The following CYRIB variants were observed in gnomAD, a reference collection of about 807,000 sequenced individuals.
CYRIB encodes the protein CYFIP-related Rac1 interactor B.
In CYRIB, 8 loss-of-function variants were observed where a neutral mutation model predicts 44.2. The ratio of observed to expected loss-of-function variants is 0.18; its 90% CI spans 0.11 to 0.33. The LOEUF is 0.33. Among genes scored for constraint, CYRIB ranks in the 10% least tolerant of loss-of-function variants. CYRIB has a pLI of 1.00. For synonymous variants in CYRIB, 131 were observed against 127.2 expected (o/e 1.03, Z -0.20); for missense variants, 185 against 382.8 (o/e 0.48, Z 4.31).
At chr8:129,894,207 C>T (rs1281734245) in intron 2 of CYRIB, among the ~76,000 whole-genome samples, 1 of 152,160 alleles carries the variant, frequency 6.6e-6, no homozygotes, top group African/African-American at 2.4e-5. Flanking sequence ...AATGAAAAGG[C>T]AACTGTAACT....
At chr8:129,927,796 C>G (rs1481464766) in intron 1 of CYRIB, among the ~76,000 whole-genome samples, 1 of 152,164 alleles carries the variant, frequency 6.6e-6, no homozygotes, top group East Asian at 1.9e-4. Context: ...GTGGTACTAG[C>G]AGAATGATAG....
At chr8:129,887,877 C>T in intron 2 of CYRIB, among the ~76,000 whole-genome samples, 1 of 152,168 alleles carries the variant, frequency 6.6e-6, no homozygotes, top group Non-Finnish European at 1.5e-5. Context: ...TTGGAAGTAA[C>T]TAACTTCATT....
At chr8:129,922,761 G>A (rs1437332158) in intron 1 of CYRIB, among the ~76,000 whole-genome samples, 9 of 151,896 alleles carry the variant, frequency 5.9e-5, no homozygotes, top group Non-Finnish European at 1.0e-4. Flanking sequence ...TACTCGGGAG[G>A]CTGAGGCAGG....
chr8:129,983,117 T>C (rs1357278174), intron 1 of CYRIB, among the ~76,000 whole-genome samples: 1 of 151,706 alleles, frequency 6.6e-6, no homozygotes, highest in African/African-American at 2.4e-5. Context: ...AAGACCAGCC[T>C]GGGCAACACT....
intron 2 of CYRIB, among the ~76,000 whole-genome samples, chr8:129,889,048 C>T (rs986682048): frequency 6.6e-6 from 1 of 152,090 alleles, no homozygotes; most frequent in African/African-American, 2.4e-5. Context: ...GCCAAGATCG[C>T]ACCACTGCAC....
At chr8:129,959,059 CAAAAAAAA>C (rs60576774) in intron 2 of CYRIB, among the ~76,000 whole-genome samples, 2 of 68,358 alleles carry the variant, frequency 2.9e-5, no homozygotes, top group African/African-American at 9.7e-5. Flanking sequence ...GACTCTGTCT[CAAAAAAAA>C]AAAAAAAAAA....
intron 2 of CYRIB, among the ~76,000 whole-genome samples, chr8:129,946,732 C>T (rs142212259): frequency 2.8e-4 from 42 of 152,288 alleles, no homozygotes; most frequent in African/African-American, 9.1e-4. Flanking sequence ...TATGAGCCTC[C>T]GGCACATCTG....
intron 1 of CYRIB, among the ~76,000 whole-genome samples, chr8:129,936,817 C>G (rs2092886171): frequency 6.6e-6 from 1 of 151,288 alleles, no homozygotes; most frequent in Non-Finnish European, 1.5e-5. Context: ...TGCCATTCTC[C>G]TGCCTCGGCC....
At chr8:129,923,238 T>C (rs1744710385) in intron 1 of CYRIB, among the ~76,000 whole-genome samples, 1 of 41,430 alleles carries the variant, frequency 2.4e-5, no homozygotes, top group Non-Finnish European at 4.5e-5. Flanking sequence ...AGCAAAACTC[T>C]TAAAAAGAAA....
intron 1 of CYRIB, among the ~76,000 whole-genome samples, chr8:129,915,982 A>C (rs2080557982): frequency 6.6e-6 from 1 of 152,186 alleles, no homozygotes; most frequent in Non-Finnish European, 1.5e-5. Flanking sequence ...TAAAAGAAAA[A>C]AGCCCATAGA....
chr8:129,924,822 A>T (rs1261780360), intron 1 of CYRIB, among the ~76,000 whole-genome samples: 1 of 152,082 alleles, frequency 6.6e-6, no homozygotes, highest in Non-Finnish European at 1.5e-5. Flanking sequence ...TAAAAAAATA[A>T]AAAAACTTAG....
intron 1 of CYRIB, among the ~76,000 whole-genome samples, chr8:129,928,651 T>C (rs2089479765): frequency 1.4e-5 from 2 of 144,908 alleles, no homozygotes; most frequent in South Asian, 4.3e-4. Flanking sequence ...CAAAGTAAAA[T>C]CCTTTCTTTA....
At chr8:129,962,589 A>G (rs2095311097) in intron 2 of CYRIB, among the ~76,000 whole-genome samples, 1 of 151,812 alleles carries the variant, frequency 6.6e-6, no homozygotes, top group South Asian at 2.1e-4. Context: ...AACAGCTATC[A>G]TATGTCTCCC....
chr8:130,013,032 A>G (rs948845398), intron 1 of CYRIB, among the ~76,000 whole-genome samples: 2 of 152,168 alleles, frequency 1.3e-5, no homozygotes, highest in African/African-American at 4.8e-5. Flanking sequence ...TCCCACCCGA[A>G]TTTCCTTCTT....
chr8:129,854,810 G>A (rs907731307), intron 6 of CYRIB, among the ~76,000 whole-genome samples: 1 of 152,154 alleles, frequency 6.6e-6, no homozygotes, highest in Non-Finnish European at 1.5e-5. Context: ...ATCAAAGGAC[G>A]TGCCCAACGT....
intron 1 of CYRIB, among the ~76,000 whole-genome samples, chr8:129,915,686 A>G (rs1014966712): frequency 6.6e-6 from 1 of 152,182 alleles, no homozygotes; most frequent in Non-Finnish European, 1.5e-5. Flanking sequence ...TATGCTTAAT[A>G]AAACTTTTAA....
intron 11 of CYRIB, 64 bp from the exon 14 acceptor site, chr8:129,842,269 C>T: frequency 8.8e-7 from 1 of 1,137,332 alleles, no homozygotes; most frequent in Non-Finnish European, 1.3e-6. Flanking sequence ...ATCGGGTTCT[C>T]TAATTATGAC....
intron 2 of CYRIB, chr8:129,949,246 CAGA>C (rs1320290597): frequency 6.6e-6 from 1 of 152,142 alleles, no homozygotes; most frequent in Non-Finnish European, 1.5e-5. Context: ...AATATAATGA[CAGA>C]AGAACTATTA....
intron 5 of CYRIB, among the ~76,000 whole-genome samples, chr8:129,859,357 G>A (rs2048005760): frequency 6.6e-6 from 1 of 152,178 alleles, no homozygotes; most frequent in African/African-American, 2.4e-5. Context: ...CGCGACCACT[G>A]AAGCTCAGCA....
Sources: gnomAD v4.1 joint callset for allele counts (sites outside exome capture counted in the v4.1 genomes callset) on GRCh38, gnomAD v4.1.1 for gene constraint, MANE v1.5 for transcripts, NCBI Gene and HGNC (gene_info 2026-07-23, HGNC 2026-07-21) for gene names.